Variants in THSD7A observed in about 807,000 individuals in gnomAD.
THSD7A encodes the protein thrombospondin type 1 domain containing 7A.
THSD7A carries 96 observed loss-of-function variants against 231.3 expected under a neutral mutation model. The ratio of observed to expected loss-of-function variants is 0.41; its 90% confidence interval spans 0.35 to 0.49. The LOEUF (loss-of-function observed/expected upper bound fraction) is 0.49. THSD7A is among the 20% of genes least tolerant of loss of function. The pLI is 0.05. For synonymous variants in THSD7A, 940 were observed against 743.3 expected (o/e 1.26, Z -4.30); for missense variants, 2,290 against 2,070.2 (o/e 1.11, Z -2.06).
chr7:11,738,560 G>C (rs1583242459), intron 1 of THSD7A, among the ~76,000 whole-genome samples: 2 of 151,964 alleles, frequency 1.3e-5, no homozygotes, highest in East Asian at 3.9e-4. Context: ...TTAAAGTTAA[G>C]TTTCTTAAAT....
At chr7:11,603,588 T>C (rs1269492005) in intron 2 of THSD7A, among the ~76,000 whole-genome samples, 21 of 151,884 alleles carry the variant, frequency 1.4e-4, no homozygotes, top group Admixed American at 1.4e-3. Flanking sequence ...CGTATGTTTA[T>C]TGCGGCATTA....
intron 16 of THSD7A, among the ~76,000 whole-genome samples, chr7:11,422,197 G>A (rs1784167917): frequency 6.6e-6 from 1 of 152,126 alleles, no homozygotes; most frequent in Admixed American, 6.5e-5. Flanking sequence ...ATTACTGTGT[G>A]CTGGCAATTC....
In THSD7A at chr7:11,569,440, T is replaced by C. The variant is rs549965123; in HGVS notation, c.1453+21020A>G. Among the ~76,000 whole-genome samples, 3 of 152,304 alleles carry C rather than the reference T, an allele frequency of 2.0e-5. No homozygotes were observed. The South Asian group carries it at 6.2e-4, about 32-fold the overall frequency. On this transcript the variant is annotated intron_variant, in intron 4 of 27. Coordinates refer to ENST00000423059, the MANE Select transcript of THSD7A (RefSeq NM_015204.3). Reference sequence around the variant, plus strand: ...ACATGAAAAAAATGCTTGACATCACTACTCATCAGGGTAACGCAAATCAAA... The same window carrying C: ...ACATGAAAAAAATGCTTGACATCACCACTCATCAGGGTAACGCAAATCAAA...
At chr7:11,655,386 G>A (rs965010442) in intron 1 of THSD7A, among the ~76,000 whole-genome samples, 1 of 151,686 alleles carries the variant, frequency 6.6e-6, no homozygotes, top group Non-Finnish European at 1.5e-5. Context: ...CTCTGTTGTT[G>A]GACAGCTACA....
In THSD7A at chr7:11,444,783, CTGTGTGTGTGTG is replaced by C. The variant is rs34985878; in HGVS notation, c.3064+1266_3064+1277del. Reference sequence around the variant, plus strand: ...AAGAGAGGGGGCACAGTTGTCTGCTCTGTGTGTGTGTGTGTGTGTGTGTGTATAAACTATATA... The same window carrying C: ...AAGAGAGGGGGCACAGTTGTCTGCTCTGTGTGTGTGTGTATAAACTATATA... On this transcript the variant is annotated intron_variant, in intron 13 of 27. Coordinates refer to ENST00000423059, the MANE Select transcript of THSD7A (RefSeq NM_015204.3). The surrounding 1 kb of genome is among the most constrained non-coding windows in gnomAD (Gnocchi z 4.2). Among the ~76,000 whole-genome samples the C allele has an allele frequency of 2.1e-5, 3 of 144,564 alleles. No homozygotes were observed. The highest frequency in any genetic ancestry group is 4.0e-4 in the East Asian group (2 of 4,944). The allele number at this position is 144,564 out of a possible 152,430, so 94.8% of individuals were successfully genotyped here. A position where few individuals can be genotyped will look rare whatever the true frequency, so the allele number is the denominator to read the frequency against.
At chr7:11,575,687 A>G (rs1790868443) in intron 4 of THSD7A, among the ~76,000 whole-genome samples, 1 of 152,200 alleles carries the variant, frequency 6.6e-6, no homozygotes, top group South Asian at 2.1e-4. Flanking sequence ...TTCATTTAGT[A>G]CATCCATTTC....
chr7:11,449,428 C>T (rs909940750), intron 11 of THSD7A, among the ~76,000 whole-genome samples: 1 of 151,926 alleles, frequency 6.6e-6, no homozygotes, highest in African/African-American at 2.4e-5. Flanking sequence ...TGAGACCCAC[C>T]AGCTTGAGTA....
intron 11 of THSD7A, among the ~76,000 whole-genome samples, chr7:11,450,864 C>T (rs1316782083): frequency 6.6e-6 from 1 of 151,970 alleles, no homozygotes; most frequent in Non-Finnish European, 1.5e-5. Context: ...ACAGATAATT[C>T]ACCATGAAAG....
At chr7:11,676,736 A>G (rs555635026) in intron 1 of THSD7A, among the ~76,000 whole-genome samples, 4 of 152,280 alleles carry the variant, frequency 2.6e-5, no homozygotes, top group African/African-American at 9.6e-5. Context: ...ATGAAAAGGA[A>G]CAAACAAAGC....
chr7:11,633,939 A>C (rs1323254932), intron 2 of THSD7A, among the ~76,000 whole-genome samples: 1 of 152,180 alleles, frequency 6.6e-6, no homozygotes, highest in Non-Finnish European at 1.5e-5. Flanking sequence ...ATAGAAGCTA[A>C]AACATTTTAA....
intron 2 of THSD7A, among the ~76,000 whole-genome samples, chr7:11,610,184 T>A (rs1584076821): frequency 6.6e-6 from 1 of 152,238 alleles, no homozygotes; most frequent in East Asian, 1.9e-4. Flanking sequence ...CTAAAACTGT[T>A]ATTTCCCCTG....
intron 4 of THSD7A, among the ~76,000 whole-genome samples, chr7:11,585,269 T>C (rs1265413782): frequency 6.6e-6 from 1 of 152,208 alleles, no homozygotes; most frequent in East Asian, 1.9e-4. Context: ...GACATCTCAC[T>C]TTCCATTTTG....
intron 6 of THSD7A, among the ~76,000 whole-genome samples, chr7:11,529,396 T>A (rs1382334218): frequency 6.6e-6 from 1 of 152,140 alleles, no homozygotes; most frequent in Non-Finnish European, 1.5e-5. Flanking sequence ...AATCATGTAA[T>A]CAAGTTATTG....
chr7:11,401,688 A>G, intron 23 of THSD7A, 107 bp downstream of exon 23: 2 of 1,030,156 alleles, frequency 1.9e-6, no homozygotes, highest in South Asian at 1.9e-5. Context: ...TTGGGATTAC[A>G]GGCGTGAGCC....
chr7:11,508,852 A>C (rs1275886975), intron 6 of THSD7A, among the ~76,000 whole-genome samples: 2 of 152,250 alleles, frequency 1.3e-5, no homozygotes, highest in Admixed American at 6.5e-5. Context: ...AGCAATATGA[A>C]TACTGCACGA....
intron 6 of THSD7A, among the ~76,000 whole-genome samples, chr7:11,514,104 C>T (rs952561717): frequency 1.3e-5 from 2 of 151,976 alleles, no homozygotes; most frequent in Non-Finnish European, 2.9e-5. Context: ...TTATTCACTC[C>T]TTTTCTTCTG....
chr7:11,495,844 C>A (rs936539345), intron 6 of THSD7A, among the ~76,000 whole-genome samples: 1 of 151,906 alleles, frequency 6.6e-6, no homozygotes, highest in African/African-American at 2.4e-5. Context: ...ACTTACAAAG[C>A]CGGGGGAAAA....
intron 6 of THSD7A, among the ~76,000 whole-genome samples, chr7:11,540,337 C>T (rs556026426): frequency 2.0e-5 from 3 of 152,338 alleles, no homozygotes; most frequent in South Asian, 2.1e-4. Context: ...ATAGCAGTGT[C>T]TGTCAGTCTC....
chr7:11,661,864 CA>C (rs1419076258), intron 1 of THSD7A, among the ~76,000 whole-genome samples: 1 of 151,114 alleles, frequency 6.6e-6, no homozygotes, highest in Non-Finnish European at 1.5e-5. Flanking sequence ...CGAGTGTTAT[CA>C]ATGGAAGACA....
Sources: gnomAD v4.1 joint callset for allele counts (sites outside exome capture counted in the v4.1 genomes callset) on GRCh38, gnomAD v4.1.1 for gene constraint, Gnocchi (gnomAD v3.1) non-coding constraint, MANE v1.5 for transcripts, NCBI Gene and HGNC (gene_info 2026-07-23, HGNC 2026-07-21) for gene names.